COL13A1: variants seen among roughly 807,000 people sequenced by gnomAD.
COL13A1 encodes collagen type XIII alpha 1 chain, also known as collagen alpha-1(XIII) chain.
In COL13A1, 89 loss-of-function variants were observed where a neutral mutation model predicts 130.9. The observed-to-expected ratio is 0.68, with a 90% confidence interval of 0.57 to 0.81. The LOEUF is 0.81. Ranked by LOEUF, COL13A1 falls within the 30% of genes least tolerant of loss-of-function variation. COL13A1 has a pLI of 0.00. For synonymous variants in COL13A1, 402 were observed against 341.6 expected, an observed-to-expected ratio of 1.18 and a Z score of -1.95; for missense variants, 879 against 934.6, an observed-to-expected ratio of 0.94 and a Z score of 0.78.
chr10:69,958,819 G>T lies in COL13A1; in HGVS notation c.*118G>T. On this transcript the variant is annotated 3_prime_UTR_variant, in exon 41 of 41. Coordinates refer to ENST00000645393, the MANE Select transcript of COL13A1 (RefSeq NM_001368882.1). ...ATGCATCTTACAGATTATTAAAAAA[G>T]AAAGAAAAACCTGCATATTTTGTAC... 2.1e-6 allele frequency: 3 copies of T among 1,409,934 alleles called. No individual in the cohort carries two copies. The Admixed American group carries it at 6.6e-5, about 31-fold the overall frequency. 87.3% of individuals were successfully genotyped at this position (1,409,934 alleles called of 1,614,324 possible). A position where few individuals can be genotyped will look rare whatever the true frequency, so the allele number is the denominator to read the frequency against.
intron 14 of COL13A1, 26 bp from the exon 15 acceptor site, chr10:69,902,722 C>G: frequency 6.5e-7 from 1 of 1,538,922 alleles, no homozygotes; most frequent in Non-Finnish European, 8.8e-7. Flanking sequence ...GGCCTTCCCT[C>G]TAACATTCGT....
At chr10:69,880,584 TG>T (rs745960707) in intron 7 of COL13A1, 31 bp downstream of exon 7, 65 of 1,609,462 alleles carry the variant, frequency 4.0e-5, no homozygotes, top group Non-Finnish European at 5.3e-5. Flanking sequence ...CTCGGGGTGT[TG>T]GGGGGATGGG....
chr10:69,921,981 A>G (rs375378328), intron 22 of COL13A1, 46 bp downstream of exon 22: 1 of 1,564,040 alleles, frequency 6.4e-7, no homozygotes, highest in Non-Finnish European at 8.7e-7. Context: ...CGTCACCCAC[A>G]TCCCATACCT....
intron 34 of COL13A1, among the ~76,000 whole-genome samples, chr10:69,938,877 C>T (rs2067272095): frequency 6.6e-6 from 1 of 152,090 alleles, no homozygotes; most frequent in African/African-American, 2.4e-5. Flanking sequence ...TTAAGTGCTC[C>T]TTACTATTAA....
chr10:69,940,276 C>T (rs571758477), intron 34 of COL13A1, among the ~76,000 whole-genome samples: 6 of 152,274 alleles, frequency 3.9e-5, no homozygotes, highest in African/African-American at 9.6e-5. Flanking sequence ...TGTCCCAGGC[C>T]GCTGCCTCCA....
chr10:69,848,909 T>G (rs911606816), intron 2 of COL13A1, among the ~76,000 whole-genome samples: 2 of 152,176 alleles, frequency 1.3e-5, no homozygotes, highest in Non-Finnish European at 2.9e-5. Context: ...GGCTGCAGCC[T>G]ACAGCCTGCC....
chr10:69,957,422 C>A (rs904874287), intron 40 of COL13A1, among the ~76,000 whole-genome samples: 1 of 152,228 alleles, frequency 6.6e-6, no homozygotes, highest in Admixed American at 6.5e-5. Context: ...TAGGACATCT[C>A]AGTTGCTTTC....
At chr10:69,892,601 G>A (rs544763054) in intron 10 of COL13A1, among the ~76,000 whole-genome samples, 5 of 152,310 alleles carry the variant, frequency 3.3e-5, no homozygotes, top group Admixed American at 2.0e-4. Flanking sequence ...CTTGGCACCC[G>A]AGAAGCAGAC....
At chr10:69,907,500 G>C (rs1033221344) in intron 17 of COL13A1, among the ~76,000 whole-genome samples, 1 of 152,112 alleles carries the variant, frequency 6.6e-6, no homozygotes, top group Non-Finnish European at 1.5e-5. Context: ...GCAAGAGAAG[G>C]CTGGGCTTGC....
rs1360888952 is a variant in COL13A1 at position 69,875,184 on chromosome 10, C to T, written c.435+21C>T. The T allele has an allele frequency of 2.5e-6, 4 of 1,613,840 alleles. No homozygotes were observed. The African/African-American group carries it at 4.0e-5, about 16-fold the overall frequency. ...GTGTGGTGAGTTGGCCCGTTTGTAC[C>T]TGCTCAGGTGGCCATTGCTTGCTTC... On this transcript the variant is annotated intron_variant, in intron 5 of 40. Transcript: ENST00000645393.
At position 69,802,714 on chromosome 10, in the gene COL13A1, C is replaced by G; in HGVS notation, c.291C>G (p.Asp97Glu). The change falls in exon 1 of 41, where the codon GAC becomes GAG. Residue 97 changes from aspartate (D) to glutamate (E), a missense_variant. Physicochemically the swap from Asp to Glu is conservative, Grantham distance 45. Transcript: ENST00000645393. ...AILGRVNQLL[D>E]EKWKLHSRRR... ...TGGGACGAGTCAATCAACTGCTGGA[C>G]GAGGTCTGTGCTCTTTGTTGCTGGC... 2 of 1,611,566 alleles carry G rather than the reference C, an allele frequency of 1.2e-6. No homozygotes were observed. Among genetic ancestry groups the G allele is most frequent in the Non-Finnish European group, 1.7e-6 (2 of 1,178,942 alleles).
intron 14 of COL13A1, 85 bp from the exon 15 acceptor site, chr10:69,902,663 C>T: frequency 8.8e-7 from 1 of 1,130,920 alleles, no homozygotes; most frequent in African/African-American, 1.6e-5. Context: ...CACAGCAGGC[C>T]TTCACTGGGT....
At chr10:69,834,546 A>T (rs1849572935) in intron 2 of COL13A1, among the ~76,000 whole-genome samples, 1 of 152,100 alleles carries the variant, frequency 6.6e-6, no homozygotes, top group Admixed American at 6.5e-5. Flanking sequence ...ATACAATATC[A>T]CTTACATTCT....
At chr10:69,843,400 G>T (rs1852137830) in intron 2 of COL13A1, among the ~76,000 whole-genome samples, 1 of 152,000 alleles carries the variant, frequency 6.6e-6, no homozygotes, top group Admixed American at 6.6e-5. Context: ...AACCTCTAGG[G>T]TCTTTTTTCA....
intron 2 of COL13A1, among the ~76,000 whole-genome samples, chr10:69,859,737 AG>A (rs889316872): frequency 2.0e-4 from 30 of 152,244 alleles, no homozygotes; most frequent in African/African-American, 7.2e-4. Flanking sequence ...GCAGGTCACA[AG>A]GCCCAGAGCC....
intron 10 of COL13A1, among the ~76,000 whole-genome samples, chr10:69,893,121 C>T (rs7075291): frequency 0.73 from 111,185 of 152,218 alleles, 41,055 homozygotes; most frequent in African/African-American, 0.85. Context: ...GAGGCCAGCA[C>T]GGGCAGATTG....
chr10:69,924,329 T>C (rs984980542), intron 24 of COL13A1, among the ~76,000 whole-genome samples: 1 of 152,174 alleles, frequency 6.6e-6, no homozygotes, highest in African/African-American at 2.4e-5. Context: ...ATTGTCTTTA[T>C]CCCAGAAAAA....
chr10:69,935,878 G>A (rs1447518459), intron 32 of COL13A1, among the ~76,000 whole-genome samples: 1 of 151,348 alleles, frequency 6.6e-6, no homozygotes, highest in Non-Finnish European at 1.5e-5. Context: ...GGGCGTGGTG[G>A]CACACATCTG....
At chr10:69,851,088 C>T (rs1854657013) in intron 2 of COL13A1, among the ~76,000 whole-genome samples, 1 of 152,242 alleles carries the variant, frequency 6.6e-6, no homozygotes, top group Admixed American at 6.5e-5. Flanking sequence ...TCCATCTCCG[C>T]CTTCACTAAG....
Sources: allele counts gnomAD v4.1 joint callset (sites outside exome capture counted in the v4.1 genomes callset), GRCh38; gene constraint gnomAD v4.1.1; transcripts MANE v1.5; gene names NCBI Gene and HGNC (gene_info 2026-07-23, HGNC 2026-07-21).